The following MARCHF4 variants were observed in gnomAD, a reference collection of about 807,000 sequenced individuals.
MARCHF4 encodes E3 ubiquitin-protein ligase MARCHF4.
In MARCHF4, 14 loss-of-function variants were observed where a neutral mutation model predicts 43.9. The ratio of observed to expected loss-of-function variants is 0.32; its 90% confidence interval spans 0.21 to 0.50. The LOEUF (loss-of-function observed/expected upper bound fraction) is 0.50, where lower values mean the gene tolerates loss of function less well. MARCHF4 is among the 20% of genes least tolerant of loss of function. The pLI, the probability that MARCHF4 is intolerant of heterozygous loss-of-function variation, is 0.98. For synonymous variants in MARCHF4, 226 were observed against 213.3 expected, an observed-to-expected ratio of 1.06 and a Z score of -0.52; for missense variants, 468 against 536.7, an observed-to-expected ratio of 0.87 and a Z score of 1.27.
Position 216,274,491 on chromosome 2 carries a change from G to A in MARCHF4, c.865+3181C>T, listed in dbSNP as rs542388597. ...TTTGCACCAAATTGTGCAGTGTGAT[G>A]CGTTTTCCCTCTACTGGACAGAATA... On this transcript the variant is annotated intron_variant, in intron 3 of 3. Coordinates refer to ENST00000273067, the MANE Select transcript of MARCHF4 (RefSeq NM_020814.3). 2.6e-5 allele frequency among the ~76,000 whole-genome samples: 4 copies of A among 152,262 alleles called. No individual in the cohort carries two copies. The South Asian group carries it at 8.3e-4, about 32-fold the overall frequency.
At chr2:216,346,102 G>A (rs1692315702) in intron 1 of MARCHF4, among the ~76,000 whole-genome samples, 1 of 152,156 alleles carries the variant, frequency 6.6e-6, no homozygotes, top group Admixed American at 6.5e-5. Context: ...GAGCATTCTT[G>A]TAAGATGACC....
Position 216,336,741 on chromosome 2 carries a change from T to A in MARCHF4, c.516+33004A>T, listed in dbSNP as rs1315687682. 5.5e-5 allele frequency among the ~76,000 whole-genome samples: 3 copies of A among 54,130 alleles called. No homozygotes were observed. The Admixed American group carries it at 7.3e-4, about 13-fold the overall frequency. The allele number at this position is 54,130 out of a possible 152,430, so 35.5% of individuals were successfully genotyped here. On this transcript the variant is annotated intron_variant, in intron 1 of 3. Transcript: ENST00000273067. ...TGGCAAATGGGAAAGGCAAATAGAT[T>A]TAAAAAAAAAAAAAAAAAAAAAAAA...
intron 1 of MARCHF4, among the ~76,000 whole-genome samples, chr2:216,351,958 T>G (rs1420221903): frequency 6.6e-6 from 1 of 152,218 alleles, no homozygotes; most frequent in Non-Finnish European, 1.5e-5. Flanking sequence ...TATGAGCAAA[T>G]GCAGAATAAT....
intron 1 of MARCHF4, among the ~76,000 whole-genome samples, chr2:216,299,377 T>C (rs1327302569): frequency 6.6e-6 from 1 of 152,154 alleles, no homozygotes; most frequent in African/African-American, 2.4e-5. Context: ...ATAGTCAGTC[T>C]CTGAGATGGC....
chr2:216,319,302 C>G (rs1001345276), intron 1 of MARCHF4, among the ~76,000 whole-genome samples: 10 of 151,994 alleles, frequency 6.6e-5, no homozygotes, highest in Admixed American at 2.0e-4. Context: ...AGTGAGATTC[C>G]ATCTAAAACA....
At chr2:216,354,906 T>TCTTTCTTTCTTCCTTC (rs1559106513) in intron 1 of MARCHF4, among the ~76,000 whole-genome samples, 9 of 69,420 alleles carry the variant, frequency 1.3e-4, no homozygotes, top group Non-Finnish European at 1.9e-4. Context: ...TTTCTTTCTT[T>TCTTTCTTTCTTCCTTC]CTTTCTTTCT....
chr2:216,306,655 A>G (rs1691591728), intron 1 of MARCHF4, among the ~76,000 whole-genome samples: 1 of 152,184 alleles, frequency 6.6e-6, no homozygotes, highest in South Asian at 2.1e-4. Context: ...ACTGCTCAGT[A>G]TATATGGGCA....
At chr2:216,263,731 G>A (rs909577801) in intron 3 of MARCHF4, among the ~76,000 whole-genome samples, 5 of 152,102 alleles carry the variant, frequency 3.3e-5, no homozygotes, top group African/African-American at 4.8e-5. Context: ...AAGAACAGCC[G>A]CCACCAGTGT....
intron 1 of MARCHF4, among the ~76,000 whole-genome samples, chr2:216,335,139 C>G (rs1692138443): frequency 6.6e-6 from 1 of 152,182 alleles, no homozygotes. Flanking sequence ...CAGTGACAGA[C>G]TAGAATCACC....
At chr2:216,290,962 C>G (rs569568289) in intron 1 of MARCHF4, among the ~76,000 whole-genome samples, 1 of 152,042 alleles carries the variant, frequency 6.6e-6, no homozygotes, top group Non-Finnish European at 1.5e-5. Context: ...CACGTAAGTA[C>G]TGAGATACAT....
At chr2:216,330,605 T>C (rs1484941614) in intron 1 of MARCHF4, among the ~76,000 whole-genome samples, 1 of 152,188 alleles carries the variant, frequency 6.6e-6, no homozygotes, top group Admixed American at 6.5e-5. Context: ...TTTCTAAAAT[T>C]TGAACATATA....
intron 1 of MARCHF4, among the ~76,000 whole-genome samples, chr2:216,323,179 C>A (rs1559099618): frequency 6.6e-6 from 1 of 152,120 alleles, no homozygotes; most frequent in Non-Finnish European, 1.5e-5. Flanking sequence ...TCTCAACCTC[C>A]TTAAGCTTAT....
intron 1 of MARCHF4, among the ~76,000 whole-genome samples, chr2:216,321,172 T>C (rs1691890335): frequency 6.6e-6 from 1 of 152,014 alleles, no homozygotes. Context: ...CAGTCAAGAC[T>C]CCAGGGCTTC....
chr2:216,355,067 G>T (rs1692479852), intron 1 of MARCHF4, among the ~76,000 whole-genome samples: 1 of 151,558 alleles, frequency 6.6e-6, no homozygotes. Context: ...CACCTCCCAG[G>T]TTCAAGTGAT....
At chr2:216,282,451 C>G (rs1691144694) in intron 2 of MARCHF4, among the ~76,000 whole-genome samples, 1 of 152,032 alleles carries the variant, frequency 6.6e-6, no homozygotes, top group South Asian at 2.1e-4. Flanking sequence ...CATTACCCCT[C>G]CTGGGCTTTC....
intron 1 of MARCHF4, among the ~76,000 whole-genome samples, chr2:216,340,892 A>C (rs1397911803): frequency 1.3e-5 from 2 of 152,158 alleles, no homozygotes; most frequent in African/African-American, 4.8e-5. Flanking sequence ...GGCCCAGAGA[A>C]GTGAGGCACC....
chr2:216,312,534 C>A (rs1300156781), intron 1 of MARCHF4, among the ~76,000 whole-genome samples: 4 of 152,162 alleles, frequency 2.6e-5, no homozygotes, highest in African/African-American at 9.7e-5. Context: ...CCCTTTTCTC[C>A]ATATCCATGC....
rs146785595 is a variant in MARCHF4, at chr2:216,291,047, A to G, written c.517-7318T>C. The stretch of plus-strand genomic sequence containing the variant: ...AGTCATTTGGTGTACAGATGGTGTT[A>G]AAAGCTGAGTCTGAATGAGACAACC... On this transcript the variant is annotated intron_variant, in intron 1 of 3. Coordinates refer to ENST00000273067, the MANE Select transcript of MARCHF4 (RefSeq NM_020814.3). 8.7e-3 allele frequency among the ~76,000 whole-genome samples: 1,319 copies of G among 152,248 alleles called. 15 individuals are homozygous for G. Among genetic ancestry groups the G allele is most frequent in the Admixed American group, 0.022 (329 of 15,286 alleles).
intron 1 of MARCHF4, among the ~76,000 whole-genome samples, chr2:216,348,328 C>T (rs1404145712): frequency 6.6e-6 from 1 of 152,040 alleles, no homozygotes; most frequent in African/African-American, 2.4e-5. Context: ...CATGAGCCAC[C>T]GTGCCTGGCC....
Sources: gnomAD v4.1 joint callset for allele counts (sites outside exome capture counted in the v4.1 genomes callset) on GRCh38, gnomAD v4.1.1 for gene constraint, MANE v1.5 for transcripts, NCBI Gene and HGNC (gene_info 2026-07-23, HGNC 2026-07-21) for gene names.